FBXL18: variants seen among roughly 807,000 people sequenced by gnomAD.
The protein encoded by FBXL18 is F-box and leucine rich repeat protein 18.
In FBXL18, 36 loss-of-function variants were observed where a neutral mutation model predicts 46.0. That is an observed-to-expected ratio of 0.78 (90% CI 0.60 to 1.03). The LOEUF (loss-of-function observed/expected upper bound fraction) is 1.03, where lower values mean the gene tolerates loss of function less well. FBXL18 is among the 50% of genes least tolerant of loss of function. FBXL18 has a pLI of 0.00. For missense variants in FBXL18, 977 were observed against 1,004.1 expected (o/e 0.97, Z 0.36); for synonymous variants, 557 against 465.3 (o/e 1.20, Z -2.54).
At chr7:5,459,483 G>C (rs1394231162) in intron 4 of FBXL18, among the ~76,000 whole-genome samples, 2 of 152,190 alleles carry the variant, frequency 1.3e-5, no homozygotes, top group East Asian at 1.9e-4. Flanking sequence ...GCTCACACCT[G>C]TAATCCCAGC....
intron 4 of FBXL18, among the ~76,000 whole-genome samples, chr7:5,485,981 C>T (rs1783764177): frequency 6.6e-6 from 1 of 151,858 alleles, no homozygotes; most frequent in Non-Finnish European, 1.5e-5. Context: ...ATTGCTTGAG[C>T]CCAGGAAGCG....
intron 4 of FBXL18, among the ~76,000 whole-genome samples, chr7:5,469,266 G>A (rs969057757): frequency 6.6e-6 from 1 of 152,130 alleles, no homozygotes; most frequent in Non-Finnish European, 1.5e-5. Context: ...ACAAAAATCA[G>A]CCAGGCATGG....
At chr7:5,495,111 C>T (rs578078302) in intron 3 of FBXL18, among the ~76,000 whole-genome samples, 102 of 152,242 alleles carry the variant, frequency 6.7e-4, no homozygotes, top group African/African-American at 2.3e-3. Context: ...AGGATGGGGA[C>T]GAGGAAAAGG....
At chr7:5,463,722 T>TATATATATATATATATATACA (rs1783293897) in intron 4 of FBXL18, among the ~76,000 whole-genome samples, 1 of 70,970 alleles carries the variant, frequency 1.4e-5, no homozygotes, top group Admixed American at 1.8e-4. Flanking sequence ...ATTTATTTAT[T>TATATATATATATATATATACA]TATTTATTTT....
At chr7:5,503,930 G>A (rs1434280603) in intron 2 of FBXL18, among the ~76,000 whole-genome samples, 1 of 151,212 alleles carries the variant, frequency 6.6e-6, no homozygotes, top group African/African-American at 2.4e-5. Context: ...TAGTACCACT[G>A]CACTCTAGCC....
chr7:5,467,284 G>C (rs1423019172), intron 4 of FBXL18, among the ~76,000 whole-genome samples: 1 of 152,122 alleles, frequency 6.6e-6, no homozygotes, highest in Non-Finnish European at 1.5e-5. Context: ...CTGGGAGGCG[G>C]AGCTTGCAGT....
intron 4 of FBXL18, among the ~76,000 whole-genome samples, chr7:5,463,743 T>TA (rs1783299024): frequency 6.4e-5 from 3 of 47,070 alleles, no homozygotes; most frequent in Non-Finnish European, 1.5e-4. Flanking sequence ...TTTTTTTTTT[T>TA]TTTTTTTTTT....
intron 1 of FBXL18, among the ~76,000 whole-genome samples, chr7:5,511,201 C>T (rs1784521915): frequency 6.6e-6 from 1 of 152,022 alleles, no homozygotes; most frequent in Non-Finnish European, 1.5e-5. Flanking sequence ...CTCTGGGAAG[C>T]CAAGGCAGGT....
chr7:5,482,493 G>A (rs369957148), intron 4 of FBXL18, among the ~76,000 whole-genome samples: 101 of 151,126 alleles, frequency 6.7e-4, no homozygotes, highest in African/African-American at 1.3e-3. Context: ...GCAGGTAGGC[G>A]ACCCCCCCCC....
rs1287790349 is a variant in FBXL18, at chr7:5,494,388, C to T, written c.1782-2939G>A. Among the ~76,000 whole-genome samples the T allele has an allele frequency of 5.9e-5, 9 of 152,184 alleles. No homozygotes were observed. The East Asian group carries it at 1.7e-3, about 29-fold the overall frequency. On this transcript the variant is annotated intron_variant, in intron 3 of 4. Transcript: ENST00000382368. ...CAGAGGATGCAGTGAGCTGAGATCA[C>T]ACCACTGCACTCCAGCCTAGGTGAC...
At chr7:5,466,499 T>C (rs966646566) in intron 4 of FBXL18, among the ~76,000 whole-genome samples, 1 of 152,158 alleles carries the variant, frequency 6.6e-6, no homozygotes, top group African/African-American at 2.4e-5. Context: ...CTCCAGCAAC[T>C]GCCCGTGTTT....
chr7:5,468,397 G>A (rs571144952), intron 4 of FBXL18, among the ~76,000 whole-genome samples: 12 of 152,056 alleles, frequency 7.9e-5, no homozygotes, highest in East Asian at 7.7e-4. Flanking sequence ...GATTACAGGC[G>A]TGAGCCACCA....
intron 1 of FBXL18, among the ~76,000 whole-genome samples, chr7:5,507,105 T>A (rs1584243903): frequency 6.6e-6 from 1 of 152,120 alleles, no homozygotes; most frequent in African/African-American, 2.4e-5. Flanking sequence ...TCATCTCCAC[T>A]ACATCATCTT....
chr7:5,497,093 C>T (rs965782921), intron 3 of FBXL18, among the ~76,000 whole-genome samples: 1 of 149,522 alleles, frequency 6.7e-6, no homozygotes. Flanking sequence ...CCCAGCTACT[C>T]GGGAGGCTGA....
chr7:5,513,588 G>A, intron 1 of FBXL18, 69 bp downstream of exon 1: 1 of 1,568,890 alleles, frequency 6.4e-7, no homozygotes, highest in Non-Finnish European at 8.7e-7. Context: ...ACCCGGGTCG[G>A]GATGGAAGAA....
rs945096313 is a variant in FBXL18 at position 5,475,991 on chromosome 7, C to T, written c.*5784G>A. 2 of 152,184 alleles carry T rather than the reference C, an allele frequency of 1.3e-5. No individual in the cohort carries two copies. The highest frequency in any genetic ancestry group is 6.5e-5 in the Admixed American group (1 of 15,276). The allele number at this position is 152,184 out of a possible 1,614,324, so 9.4% of individuals were successfully genotyped here. On this transcript the variant is annotated 3_prime_UTR_variant, in exon 5 of 5. Transcript: ENST00000382368. The surrounding 1 kb of genome is among the most constrained non-coding windows in gnomAD (Gnocchi z 4.2). ...TCATCGAAAGGCAGGTGATGCATGTCGTGTCATTTAGCACCTGGTCATGAG... is the reference window on the plus strand; with the variant it reads ...TCATCGAAAGGCAGGTGATGCATGTTGTGTCATTTAGCACCTGGTCATGAG...
Position 5,481,814 on chromosome 7 carries a change from C to G in FBXL18, c.2118G>C (p.Lys706Asn), listed in dbSNP as rs1395314989. ...LVHLDEITLF[K>N]SRVAEEPPNL... ...TCGGCGGTTCCTCGGCCACTCTGCT[C>G]TTAAATAAGGTGATCTCATCCAGGT... Residue 706 changes from lysine (K) to asparagine (N), a missense_variant, in exon 5 of 5, where the codon AAG (lysine) becomes AAC (asparagine). By Grantham distance (94) the Lys-to-Asn change is moderately conservative. Transcript: ENST00000382368. The G allele has an allele frequency of 1.2e-6, 2 of 1,613,684 alleles. No homozygotes were observed. Among genetic ancestry groups the G allele is most frequent in the South Asian group, 2.2e-5 (2 of 91,086 alleles).
rs368165565 is a variant in FBXL18, at chr7:5,481,868, G to T, written c.2064C>A (p.Thr688=). Residue 688 remains threonine, a synonymous_variant, in exon 5 of 5, where the codon ACC becomes ACA. Transcript: ENST00000382368. ...VIFPLLHEGL[T]DVIRDVPLVH... ...CCAGGGGGACGTCCCGGATGACGTC[G>T]GTCAGGCCCTCGTGGAGCAGAGGGA... 1.9e-6 allele frequency: 3 copies of T among 1,613,806 alleles called. No individual in the cohort carries two copies. Among genetic ancestry groups the T allele is most frequent in the South Asian group, 1.1e-5 (1 of 91,074 alleles).
At chr7:5,458,872 T>G (rs1584177783) in intron 4 of FBXL18, among the ~76,000 whole-genome samples, 1 of 151,692 alleles carries the variant, frequency 6.6e-6, no homozygotes, top group East Asian at 1.9e-4. Flanking sequence ...GTGGGCTGGA[T>G]GTGGTGGCTG....
Sources: allele counts gnomAD v4.1 joint callset (sites outside exome capture counted in the v4.1 genomes callset), GRCh38; gene constraint gnomAD v4.1.1; non-coding constraint Gnocchi (gnomAD v3.1); transcripts MANE v1.5; gene names NCBI Gene and HGNC (gene_info 2026-07-23, HGNC 2026-07-21).